MNAT1: variants seen among roughly 807,000 people sequenced by gnomAD.
MNAT1 encodes CDK-activating kinase assembly factor MAT1.
In MNAT1, 43 loss-of-function variants were observed where a neutral mutation model predicts 42.0. The observed-to-expected ratio is 1.02, with a 90% CI of 0.80 to 1.32. The LOEUF (loss-of-function observed/expected upper bound fraction) is 1.32, where lower values mean the gene tolerates loss of function less well. Ranked by LOEUF, MNAT1 falls within the 40% of genes most tolerant of loss-of-function variation. The pLI is 0.00. For synonymous variants in MNAT1, 118 were observed against 120.0 expected (o/e 0.98, Z 0.11); for missense variants, 306 against 350.4 (o/e 0.87, Z 1.01).
At chr14:60,833,602 G>C (rs192625443) in intron 6 of MNAT1, among the ~76,000 whole-genome samples, 1 of 152,120 alleles carries the variant, frequency 6.6e-6, no homozygotes, top group Non-Finnish European at 1.5e-5. Context: ...GAGAATTTTT[G>C]CATCAATGTT....
intron 5 of MNAT1, among the ~76,000 whole-genome samples, chr14:60,816,586 A>G (rs2032722735): frequency 6.6e-6 from 1 of 152,112 alleles, no homozygotes; most frequent in Non-Finnish European, 1.5e-5. Flanking sequence ...TTTAAATATT[A>G]AACAGTGTGC....
chr14:60,956,924 T>G (rs1391136477), intron 7 of MNAT1, among the ~76,000 whole-genome samples: 2 of 151,944 alleles, frequency 1.3e-5, no homozygotes, highest in South Asian at 2.1e-4. Flanking sequence ...TGGGTCTTAT[T>G]TTTTTTTATC....
intron 5 of MNAT1, among the ~76,000 whole-genome samples, chr14:60,815,193 A>C (rs189127582): frequency 6.6e-6 from 1 of 151,996 alleles, no homozygotes; most frequent in Non-Finnish European, 1.5e-5. Flanking sequence ...CCAGCTTTGC[A>C]TAACAATTAT....
chr14:60,955,031 A>G (rs1421008836), intron 7 of MNAT1, among the ~76,000 whole-genome samples: 2 of 152,040 alleles, frequency 1.3e-5, no homozygotes, highest in African/African-American at 2.4e-5. Flanking sequence ...ATAGATTTCC[A>G]TATGTTGCAT....
chr14:60,876,743 G>T (rs1190584716), intron 6 of MNAT1, among the ~76,000 whole-genome samples: 4 of 152,014 alleles, frequency 2.6e-5, no homozygotes, highest in Non-Finnish European at 5.9e-5. Flanking sequence ...GTTGTCATAT[G>T]TCAAAATTTC....
chr14:60,866,535 G>A (rs776007581), intron 6 of MNAT1, among the ~76,000 whole-genome samples: 13 of 151,886 alleles, frequency 8.6e-5, no homozygotes, highest in Admixed American at 6.6e-4. Flanking sequence ...AAATTTGTAC[G>A]AATGAAATTA....
At chr14:60,954,466 TG>T (rs999442421) in intron 7 of MNAT1, among the ~76,000 whole-genome samples, 2 of 152,160 alleles carry the variant, frequency 1.3e-5, no homozygotes, top group African/African-American at 4.8e-5. Flanking sequence ...TTTAAATTGT[TG>T]GGGTTTTTTG....
At chr14:60,741,982 G>GT (rs1251848413) in intron 1 of MNAT1, among the ~76,000 whole-genome samples, 1 of 151,576 alleles carries the variant, frequency 6.6e-6, no homozygotes, top group African/African-American at 2.4e-5. Context: ...TATTCCTTTG[G>GT]TTTTTTTGTT....
chr14:60,761,652 G>A (rs1363137497), intron 1 of MNAT1, among the ~76,000 whole-genome samples: 1 of 152,096 alleles, frequency 6.6e-6, no homozygotes, highest in Non-Finnish European at 1.5e-5. Flanking sequence ...TTTATTGCAT[G>A]TTTCTTTTTA....
intron 6 of MNAT1, among the ~76,000 whole-genome samples, chr14:60,863,518 A>G (rs770847553): frequency 1.6e-4 from 24 of 152,142 alleles, no homozygotes; most frequent in Non-Finnish European, 3.2e-4. Context: ...AGGGCTCCAA[A>G]GCTGTTTTAC....
rs1370218697 is a variant in MNAT1 at position 60,812,095 on chromosome 14, A to G, written c.529A>G (p.Arg177Gly). 1.9e-6 allele frequency: 3 copies of G among 1,588,888 alleles called. No homozygotes were observed. In the South Asian group the frequency reaches 3.6e-5, roughly 19 times the overall value. ...AGAACAACTGCAGCAGATTCTAAAA[A>G]GGAAGAATAAGCAGGCTTTTTTAGA... ...KEEQLQQILK[R>G]KNKQAFLDEL... is the part of the protein sequence containing the mutation. Residue 177 changes from arginine to glycine, a missense_variant, in exon 5 of 8, where the codon AGG becomes GGG. By Grantham distance (125) the Arg-to-Gly change is moderately radical. Coordinates refer to ENST00000261245, the MANE Select transcript of MNAT1 (RefSeq NM_002431.4).
At chr14:60,849,911 A>C (rs1039506454) in intron 6 of MNAT1, among the ~76,000 whole-genome samples, 5 of 151,820 alleles carry the variant, frequency 3.3e-5, no homozygotes, top group Non-Finnish European at 7.4e-5. Flanking sequence ...ATCTCAGCTC[A>C]CTGCAACCTC....
At chr14:60,941,721 A>G (rs947570127) in intron 7 of MNAT1, among the ~76,000 whole-genome samples, 2 of 151,266 alleles carry the variant, frequency 1.3e-5, no homozygotes, top group Non-Finnish European at 3.0e-5. Context: ...AAAAAAGTCA[A>G]TGGCCGGGCG....
chr14:60,855,438 C>G (rs1353564304), intron 6 of MNAT1, among the ~76,000 whole-genome samples: 1 of 152,102 alleles, frequency 6.6e-6, no homozygotes, highest in African/African-American at 2.4e-5. Flanking sequence ...ACCCAGGGCC[C>G]TGGTGGTGTA....
intron 1 of MNAT1, among the ~76,000 whole-genome samples, chr14:60,763,984 T>C (rs1387452182): frequency 6.6e-6 from 1 of 152,210 alleles, no homozygotes; most frequent in Admixed American, 6.5e-5. Context: ...TGACAATTGC[T>C]TACTGTCTGG....
intron 7 of MNAT1, among the ~76,000 whole-genome samples, chr14:60,957,998 C>G (rs1211733622): frequency 6.6e-6 from 1 of 152,066 alleles, no homozygotes; most frequent in Non-Finnish European, 1.5e-5. Context: ...CCACCACACC[C>G]AGCTAATTTT....
At chr14:60,849,170 C>T (rs937342572) in intron 6 of MNAT1, among the ~76,000 whole-genome samples, 2 of 152,180 alleles carry the variant, frequency 1.3e-5, no homozygotes, top group African/African-American at 4.8e-5. Context: ...ATACTTTGCA[C>T]ATTTGAGAAT....
chr14:60,887,832 A>G (rs891869630), intron 7 of MNAT1, among the ~76,000 whole-genome samples: 1 of 152,090 alleles, frequency 6.6e-6, no homozygotes, highest in African/African-American at 2.4e-5. Context: ...CTATGCAAAT[A>G]AACTAGAAAA....
intron 6 of MNAT1, among the ~76,000 whole-genome samples, chr14:60,857,779 G>T (rs1376744873): frequency 6.7e-6 from 1 of 149,704 alleles, no homozygotes; most frequent in Non-Finnish European, 1.5e-5. Context: ...CTGTGTCCAT[G>T]TGTTCGCATT....
Sources: gnomAD v4.1 joint callset for allele counts (sites outside exome capture counted in the v4.1 genomes callset) on GRCh38, gnomAD v4.1.1 for gene constraint, MANE v1.5 for transcripts, NCBI Gene and HGNC (gene_info 2026-07-23, HGNC 2026-07-21) for gene names.